GFM1: variants seen among roughly 807,000 people sequenced by gnomAD.
GFM1 encodes elongation factor G, mitochondrial.
Under a neutral mutation model 96.2 loss-of-function variants are expected in GFM1, and 62 were observed. The ratio of observed to expected loss-of-function variants is 0.64; its 90% CI spans 0.53 to 0.80. The LOEUF (loss-of-function observed/expected upper bound fraction) is 0.80. Among genes scored for constraint, GFM1 ranks in the 30% least tolerant of loss-of-function variants. The probability of loss-of-function intolerance (pLI) is 0.00; values close to 1 mark genes in which losing one functional copy is unlikely to be tolerated. For missense variants in GFM1, 852 were observed against 916.6 expected, an observed-to-expected ratio of 0.93 and a Z score of 0.91; for synonymous variants, 282 against 312.9, an observed-to-expected ratio of 0.90 and a Z score of 1.04.
chr3:158,693,487 A>G lies in GFM1; in HGVS notation c.*2020A>G, dbSNP rs1169811250. On this transcript the variant is annotated 3_prime_UTR_variant, in exon 18 of 18. Transcript: ENST00000486715. ...ACCAGCATTTCATAGGTAATGATTC[A>G]GGCCTAGCTGGTGGGAGTAATTAGA... The G allele has an allele frequency of 6.6e-6, 1 of 152,224 alleles. No individual in the cohort carries two copies. The highest frequency in any genetic ancestry group is 1.5e-5 in the Non-Finnish European group (1 of 68,032). The allele number at this position is 152,224 out of a possible 1,614,324, so 9.4% of individuals were successfully genotyped here. A position where few individuals can be genotyped will look rare whatever the true frequency, so the allele number is the denominator to read the frequency against.
chr3:158,646,850 A>T lies in GFM1; in HGVS notation c.475A>T (p.Asn159Tyr), dbSNP rs770795613. The change falls in exon 4 of 18, where the codon AAT becomes TAT. Residue 159 changes from asparagine (N) to tyrosine (Y), a missense_variant. Physicochemically the swap from Asn to Tyr is moderately radical, Grantham distance 143. Transcript: ENST00000486715. ...GGTACAGTGCCAGACCATGACTGTCAATCGTCAGATGAAGCGCTACAACGT... is the reference window on the plus strand; with the variant it reads ...GGTACAGTGCCAGACCATGACTGTCTATCGTCAGATGAAGCGCTACAACGT... Reference protein sequence around the residue: ...GGVQCQTMTVNRQMKRYNVPF... With the variant: ...GGVQCQTMTVYRQMKRYNVPF... 4 of 1,614,176 alleles carry T rather than the reference A, an allele frequency of 2.5e-6. No homozygotes were observed. The highest frequency in any genetic ancestry group is 3.4e-6 in the Non-Finnish European group (4 of 1,180,018).
At chr3:158,673,863 G>C (rs1419668194) in intron 13 of GFM1, among the ~76,000 whole-genome samples, 1 of 151,972 alleles carries the variant, frequency 6.6e-6, no homozygotes, top group African/African-American at 2.4e-5. Flanking sequence ...ATCTCTTTCT[G>C]ATTATGTAGA....
intron 13 of GFM1, among the ~76,000 whole-genome samples, chr3:158,679,556 TAA>T (rs1725191110): frequency 1.3e-5 from 2 of 152,362 alleles, no homozygotes; most frequent in South Asian, 4.1e-4. Flanking sequence ...CCAGCAACTA[TAA>T]AGCAACTAAA....
At chr3:158,671,709 G>A (rs376149454) in intron 13 of GFM1, among the ~76,000 whole-genome samples, 1 of 152,252 alleles carries the variant, frequency 6.6e-6, no homozygotes, top group Non-Finnish European at 1.5e-5. Context: ...GTAGATTTTC[G>A]TAAAATGAAA....
intron 9 of GFM1, chr3:158,660,539 T>C (rs554269025): frequency 3.2e-6 from 1 of 310,166 alleles, no homozygotes; most frequent in African/African-American, 2.2e-5. Context: ...TGAGACACCA[T>C]GCCCCGCCAG....
chr3:158,688,579 T>A (rs1457095747), intron 15 of GFM1, among the ~76,000 whole-genome samples: 1 of 152,196 alleles, frequency 6.6e-6, no homozygotes, highest in Non-Finnish European at 1.5e-5. Context: ...TGCTCACATA[T>A]CTCCTTCTGG....
chr3:158,653,256 A>G, intron 6 of GFM1, 54 bp from the exon 7 acceptor site: 1 of 1,429,840 alleles, frequency 7.0e-7, no homozygotes, highest in South Asian at 1.2e-5. Context: ...AGTTGACTTG[A>G]AGCACAACAT....
intron 4 of GFM1, 54 bp from the exon 5 acceptor site, chr3:158,648,987 C>A: frequency 1.2e-6 from 1 of 838,076 alleles, no homozygotes; most frequent in South Asian, 1.3e-5. Flanking sequence ...TTTGTCATTT[C>A]AAAGGGATTA....
At chr3:158,676,056 TG>T (rs1307257297) in intron 13 of GFM1, among the ~76,000 whole-genome samples, 2 of 152,174 alleles carry the variant, frequency 1.3e-5, no homozygotes, top group Non-Finnish European at 2.9e-5. Flanking sequence ...GAAGATCGCT[TG>T]GGCCCAGGAG....
rs749494927 is a variant in GFM1 at position 158,684,512 on chromosome 3, A to G, written c.1765-12A>G. ...TCCACTCACTCCAGAAGTTGTGTTCATTCATTAACAGGGGTTTTTAGATGC... is the reference window on the plus strand; with the variant it reads ...TCCACTCACTCCAGAAGTTGTGTTCGTTCATTAACAGGGGTTTTTAGATGC... On this transcript the variant is annotated splice_polypyrimidine_tract_variant and intron_variant, in intron 14 of 17. Coordinates refer to ENST00000486715, the MANE Select transcript of GFM1 (RefSeq NM_024996.7). 2 of 1,613,970 alleles carry G rather than the reference A, an allele frequency of 1.2e-6. No homozygotes were observed. Among genetic ancestry groups the G allele is most frequent in the Admixed American group, 1.7e-5 (1 of 59,996 alleles).
At chr3:158,665,583 G>A (rs942488094) in intron 12 of GFM1, 109 bp downstream of exon 12, 22 of 927,814 alleles carry the variant, frequency 2.4e-5, no homozygotes, top group African/African-American at 1.1e-4. Flanking sequence ...TTCTTCATGC[G>A]TCACTCTGGT....
chr3:158,692,264 ATATAC>A lies in GFM1; in HGVS notation c.*801_*805del, dbSNP rs1210957804. 3 of 152,220 alleles carry A rather than the reference ATATAC, an allele frequency of 2.0e-5. No homozygotes were observed. The highest frequency in any genetic ancestry group is 7.2e-5 in the African/African-American group (3 of 41,448). The allele number at this position is 152,220 out of a possible 1,614,324, so 9.4% of individuals were successfully genotyped here. ...TGTGAAGTAAAAAGTAGACCCTTGC[ATATAC>A]TATTCTTGTTTGTGTTCATCTTAAT... On this transcript the variant is annotated 3_prime_UTR_variant, in exon 18 of 18. Transcript: ENST00000486715.
chr3:158,668,566 C>G (rs1461141816), intron 13 of GFM1, among the ~76,000 whole-genome samples: 1 of 152,052 alleles, frequency 6.6e-6, no homozygotes, highest in Non-Finnish European at 1.5e-5. Context: ...CTTGACTAAC[C>G]CGAAAGATTA....
rs1726448158 is a variant in GFM1 at position 158,693,710 on chromosome 3, TGGA to T, written c.*2244_*2246del. The T allele has an allele frequency of 1.3e-5, 2 of 152,236 alleles. No homozygotes were observed. The highest frequency in any genetic ancestry group is 4.8e-5 in the African/African-American group (2 of 41,458). The allele number at this position is 152,236 out of a possible 1,614,324, so 9.4% of individuals were successfully genotyped here. On this transcript the variant is annotated 3_prime_UTR_variant, in exon 18 of 18. Transcript: ENST00000486715. The stretch of plus-strand genomic sequence containing the variant: ...TAATTCAAATATTACATCCTTGTAT[TGGA>T]CAACAGTAGCAGCACTAGGTAGTAT...
At chr3:158,670,605 T>G (rs6785658) in intron 13 of GFM1, among the ~76,000 whole-genome samples, 63,209 of 152,094 alleles carry the variant, frequency 0.42, 14,285 homozygotes, top group African/African-American at 0.6. Flanking sequence ...CAGAGGCAGG[T>G]ATTTCACAAC....
intron 3 of GFM1, 71 bp from the exon 4 acceptor site, chr3:158,646,672 A>G: frequency 7.8e-7 from 1 of 1,277,680 alleles, no homozygotes; most frequent in Non-Finnish European, 1.1e-6. Flanking sequence ...GAGATACAAA[A>G]ACTTCTAATA....
intron 13 of GFM1, among the ~76,000 whole-genome samples, chr3:158,677,238 T>G (rs1022748447): frequency 1.3e-5 from 2 of 152,248 alleles, no homozygotes; most frequent in Admixed American, 6.5e-5. Flanking sequence ...CAGTTGTGCT[T>G]GCACATTCTC....
At chr3:158,660,784 C>T (rs944721787) in intron 9 of GFM1, 90 bp from the exon 10 acceptor site, 5 of 1,038,656 alleles carry the variant, frequency 4.8e-6, no homozygotes, top group Non-Finnish European at 7.6e-6. Context: ...TTTTTATATA[C>T]AATGTGTGTA....
chr3:158,652,182 A>G lies in GFM1; in HGVS notation c.776A>G (p.Asn259Ser), dbSNP rs375512235. Residue 259 changes from asparagine (N) to serine (S), a missense_variant, in exon 6 of 18, where the codon AAT (asparagine) becomes AGT (serine). Coordinates refer to ENST00000486715, the MANE Select transcript of GFM1 (RefSeq NM_024996.7). ...HRQELIECVANSDEQLGEMFL... is the reference protein window; with the variant it reads ...HRQELIECVASSDEQLGEMFL... ...CAGGAGCTAATTGAATGTGTTGCCA[A>G]TTCAGATGAACAGCTTGGTGAGATG... 16 of 1,614,032 alleles carry G rather than the reference A, an allele frequency of 9.9e-6. No homozygotes were observed. The highest frequency in any genetic ancestry group is 3.3e-5 in the Admixed American group (2 of 60,000).
Sources: gnomAD v4.1 joint callset for allele counts (sites outside exome capture counted in the v4.1 genomes callset) on GRCh38, gnomAD v4.1.1 for gene constraint, MANE v1.5 for transcripts, NCBI Gene and HGNC (gene_info 2026-07-23, HGNC 2026-07-21) for gene names.